STIM1: variants seen among roughly 807,000 people sequenced by gnomAD.
STIM1 encodes stromal interaction molecule 1.
A neutral mutation model predicts 74.7 loss-of-function variants in STIM1; 25 were observed. The observed-to-expected ratio is 0.33, with a 90% CI of 0.24 to 0.47. The LOEUF (loss-of-function observed/expected upper bound fraction) is 0.47, where lower values mean the gene tolerates loss of function less well. Among genes scored for constraint, STIM1 ranks in the 20% least tolerant of loss-of-function variants. The pLI is 1.00. For missense variants in STIM1, 728 were observed against 920.8 expected (o/e 0.79, Z 2.71); for synonymous variants, 328 against 348.8 (o/e 0.94, Z 0.66).
chr11:3,898,192 T>C lies in STIM1; in HGVS notation c.139+41783T>C, dbSNP rs746606876. Among the ~76,000 whole-genome samples the C allele has an allele frequency of 2.7e-3, 402 of 150,742 alleles. 4 individuals carry two copies. The highest frequency in any genetic ancestry group is 4.2e-3 in the Non-Finnish European group (284 of 67,428). On this transcript the variant is annotated intron_variant, in intron 1 of 12. Coordinates refer to ENST00000526596, the MANE Select transcript of STIM1 (RefSeq NM_001382567.1). ...CAGCACCTGTTGTTTCCTGACTTTTTAATGATTGCCATTCTAACTGGTGTG... is the reference window on the plus strand; with the variant it reads ...CAGCACCTGTTGTTTCCTGACTTTTCAATGATTGCCATTCTAACTGGTGTG...
Position 3,975,656 on chromosome 11 carries a change from G to T in STIM1, c.270+7974G>T, listed in dbSNP as rs571296348. On this transcript the variant is annotated intron_variant, in intron 2 of 12. Coordinates refer to ENST00000526596, the MANE Select transcript of STIM1 (RefSeq NM_001382567.1). ...AGAAGAAGGAAGAAGGAAGAAGGAAGAAGAAAATAAGCCACTTAATAAAAA... is the reference window on the plus strand; with the variant it reads ...AGAAGAAGGAAGAAGGAAGAAGGAATAAGAAAATAAGCCACTTAATAAAAA... 3.3e-5 allele frequency among the ~76,000 whole-genome samples: 5 copies of T among 152,074 alleles called. No individual in the cohort carries two copies. In the South Asian group the frequency reaches 8.3e-4, roughly 25 times the overall value.
intron 12 of STIM1, chr11:4,088,921 A>T (rs1246260639): frequency 8.5e-6 from 5 of 589,358 alleles, no homozygotes; most frequent in Non-Finnish European, 1.2e-5. Flanking sequence ...CTTTTAGCTG[A>T]TGAGAGAGGC....
chr11:3,899,361 G>A (rs1402300764), intron 1 of STIM1, among the ~76,000 whole-genome samples: 2 of 152,206 alleles, frequency 1.3e-5, no homozygotes, highest in Non-Finnish European at 2.9e-5. Context: ...TTTGTACATT[G>A]ATTTTGTATC....
intron 1 of STIM1, among the ~76,000 whole-genome samples, chr11:3,873,707 AC>A (rs1250752950): frequency 6.6e-6 from 1 of 152,154 alleles, no homozygotes; most frequent in African/African-American, 2.4e-5. Context: ...CAGTTTACCT[AC>A]GCAGGAAGGG....
At chr11:4,063,701 C>T (rs946201769) in intron 5 of STIM1, among the ~76,000 whole-genome samples, 2 of 152,106 alleles carry the variant, frequency 1.3e-5, no homozygotes, top group African/African-American at 4.8e-5. Flanking sequence ...GATTTTTATT[C>T]AGACAACTTG....
At chr11:3,934,577 A>G (rs1417175733) in intron 1 of STIM1, among the ~76,000 whole-genome samples, 3 of 152,220 alleles carry the variant, frequency 2.0e-5, no homozygotes. Flanking sequence ...TAGCAAGCAC[A>G]GGGTATGAGG....
chr11:3,865,008 A>C lies in STIM1; in HGVS notation c.139+8599A>C, dbSNP rs182533772. ...TCCTAGGCTGCAGTCCTGCCTACCA[A>C]CTTTTTTTGTTTCATACCTTCTATT... On this transcript the variant is annotated intron_variant, in intron 1 of 12. Coordinates refer to ENST00000526596, the MANE Select transcript of STIM1 (RefSeq NM_001382567.1). Among the ~76,000 whole-genome samples, 14 of 152,168 alleles carry C rather than the reference A, an allele frequency of 9.2e-5. No homozygotes were observed. The East Asian group carries it at 2.7e-3, about 29-fold the overall frequency.
At chr11:3,868,901 G>A (rs946427118) in intron 1 of STIM1, among the ~76,000 whole-genome samples, 2 of 152,058 alleles carry the variant, frequency 1.3e-5, no homozygotes, top group Non-Finnish European at 2.9e-5. Flanking sequence ...AATATAGCAG[G>A]AGAATTAAGA....
At chr11:3,862,257 G>C (rs1258662919) in intron 1 of STIM1, among the ~76,000 whole-genome samples, 2 of 152,104 alleles carry the variant, frequency 1.3e-5, no homozygotes, top group African/African-American at 4.8e-5. Flanking sequence ...TAAAAAGTAA[G>C]ACCTGGGATA....
chr11:3,880,810 A>T (rs1199226881), intron 1 of STIM1, among the ~76,000 whole-genome samples: 1 of 152,148 alleles, frequency 6.6e-6, no homozygotes, highest in African/African-American at 2.4e-5. Context: ...TTACTCCTCA[A>T]CCATGACCTG....
chr11:4,030,550 A>C (rs970974496), intron 3 of STIM1, among the ~76,000 whole-genome samples: 3 of 152,172 alleles, frequency 2.0e-5, no homozygotes, highest in Admixed American at 6.5e-5. Flanking sequence ...TATTTTTCTA[A>C]GTTAACCATC....
At chr11:4,045,514 A>G (rs2094184143) in intron 3 of STIM1, among the ~76,000 whole-genome samples, 1 of 151,674 alleles carries the variant, frequency 6.6e-6, no homozygotes, top group Non-Finnish European at 1.5e-5. Flanking sequence ...CAGTGTTGCA[A>G]TCTCAGCTCA....
chr11:4,016,332 G>A (rs996874086), intron 2 of STIM1, among the ~76,000 whole-genome samples: 4 of 152,164 alleles, frequency 2.6e-5, no homozygotes, highest in African/African-American at 9.7e-5. Flanking sequence ...GGAGTTGGCG[G>A]GAGGTCCACT....
chr11:4,032,813 A>G (rs1312183990), intron 3 of STIM1, among the ~76,000 whole-genome samples: 2 of 152,252 alleles, frequency 1.3e-5, no homozygotes, highest in African/African-American at 4.8e-5. Context: ...GGTAAAATAC[A>G]TATAACAAAA....
chr11:4,030,965 T>A (rs2094044885), intron 3 of STIM1, among the ~76,000 whole-genome samples: 1 of 152,176 alleles, frequency 6.6e-6, no homozygotes, highest in Non-Finnish European at 1.5e-5. Flanking sequence ...TTTTAAGATT[T>A]TGGTACATGT....
At chr11:4,065,224 A>C (rs1033556309) in intron 5 of STIM1, among the ~76,000 whole-genome samples, 1 of 152,224 alleles carries the variant, frequency 6.6e-6, no homozygotes. Flanking sequence ...TAGGAAAAGA[A>C]AAGACTATGC....
At chr11:4,041,602 A>G (rs909557140) in intron 3 of STIM1, among the ~76,000 whole-genome samples, 9 of 151,620 alleles carry the variant, frequency 5.9e-5, no homozygotes, top group African/African-American at 2.2e-4. Flanking sequence ...TTCAAAGTTC[A>G]CATTCTTCTT....
chr11:3,866,996 T>G (rs1341994086), intron 1 of STIM1: 3 of 152,182 alleles, frequency 2.0e-5, no homozygotes, highest in Non-Finnish European at 4.4e-5. Context: ...TCAGAGAGTA[T>G]GTGCCCAGTA....
chr11:3,953,535 G>C (rs1293751849), intron 1 of STIM1, among the ~76,000 whole-genome samples: 1 of 152,192 alleles, frequency 6.6e-6, no homozygotes, highest in East Asian at 1.9e-4. Flanking sequence ...CGTGGTATAG[G>C]AAGTTAGTGT....
Sources: gnomAD v4.1 joint callset for allele counts (sites outside exome capture counted in the v4.1 genomes callset) on GRCh38, gnomAD v4.1.1 for gene constraint, MANE v1.5 for transcripts, NCBI Gene and HGNC (gene_info 2026-07-23, HGNC 2026-07-21) for gene names.